Variants in DACH1 observed in about 807,000 individuals in gnomAD.
DACH1 encodes dachshund family transcription factor 1.
A neutral mutation model predicts 54.2 loss-of-function variants in DACH1; 12 were observed. That is an observed-to-expected ratio of 0.22 (90% CI 0.14 to 0.36). The LOEUF is 0.36. DACH1 is among the 10% of genes least tolerant of loss of function. The pLI, the probability that DACH1 is intolerant of heterozygous loss-of-function variation, is 1.00. For synonymous variants in DACH1, 386 were observed against 366.2 expected (o/e 1.05, Z -0.62); for missense variants, 805 against 929.8 (o/e 0.87, Z 1.75).
intron 1 of DACH1, among the ~76,000 whole-genome samples, chr13:71,802,099 G>A (rs1887311264): frequency 6.6e-6 from 1 of 152,058 alleles, no homozygotes; most frequent in Admixed American, 6.6e-5. Flanking sequence ...GTCAGGGCTA[G>A]ATCCTCAGTA....
At chr13:71,634,323 C>G (rs1402296527) in intron 2 of DACH1, among the ~76,000 whole-genome samples, 1 of 152,062 alleles carries the variant, frequency 6.6e-6, no homozygotes, top group South Asian at 2.1e-4. Flanking sequence ...AGGATCCAGT[C>G]CAGTGCTTCT....
chr13:71,547,291 T>A (rs568683985), intron 6 of DACH1, among the ~76,000 whole-genome samples: 5 of 152,124 alleles, frequency 3.3e-5, no homozygotes, highest in Non-Finnish European at 7.4e-5. Context: ...TGGTGCATGC[T>A]TTTGAGAGGC....
chr13:71,789,474 A>G (rs1421801587), intron 1 of DACH1, among the ~76,000 whole-genome samples: 1 of 152,172 alleles, frequency 6.6e-6, no homozygotes, highest in Non-Finnish European at 1.5e-5. Flanking sequence ...TGAGTTTATC[A>G]TATGTGCATA....
Position 71,555,816 on chromosome 13 carries a change from C to G in DACH1, c.1570+1208G>C, listed in dbSNP as rs555234913. On this transcript the variant is annotated intron_variant, in intron 6 of 10. Transcript: ENST00000613252. ...AGAGACCATCTGACCTAGTCGTGCA[C>G]TGCATTCGAATGCCTAATATAAATA... Among the ~76,000 whole-genome samples the G allele has an allele frequency of 1.2e-3, 188 of 152,228 alleles. 1 individual carries two copies. The highest frequency in any genetic ancestry group is 1.4e-3 in the Admixed American group (22 of 15,280).
In DACH1 at chr13:71,440,683, A is replaced by G. The variant is rs748762639; in HGVS notation, c.2093T>C (p.Leu698Pro). The G allele has an allele frequency of 6.2e-7, 1 of 1,604,714 alleles. No individual in the cohort carries two copies. The highest frequency in any genetic ancestry group is 1.1e-5 in the South Asian group (1 of 89,346). The change falls in exon 11 of 11, where the codon CTG (leucine) becomes CCG (proline). Residue 698 changes from leucine to proline, a missense_variant. Physicochemically the swap from Leu to Pro is moderately conservative, Grantham distance 98 (BLOSUM62 -3). This residue lies in a region of DACH1 where 472 missense variants were observed against 545.3 expected (regional missense o/e 0.87). Coordinates refer to ENST00000613252, the MANE Select transcript of DACH1 (RefSeq NM_080759.6). ...GTACATGACAGTAGTTTTCAAATAC[A>G]GTCTTCCATCTAGAAATGAACAGTG... ...DAERTIQDGR[L>P]YLKTTVMY
intron 1 of DACH1, among the ~76,000 whole-genome samples, chr13:71,740,067 G>A (rs1884314711): frequency 1.3e-5 from 2 of 152,094 alleles, no homozygotes; most frequent in African/African-American, 4.8e-5. Context: ...CAAATAAAAG[G>A]TCAAGAACTT....
chr13:71,461,334 C>T (rs1448260718), intron 10 of DACH1, among the ~76,000 whole-genome samples: 1 of 151,960 alleles, frequency 6.6e-6, no homozygotes, highest in Non-Finnish European at 1.5e-5. Flanking sequence ...CGCATTCATT[C>T]AAAAGAGCTT....
intron 1 of DACH1, among the ~76,000 whole-genome samples, chr13:71,726,442 C>G (rs1012050882): frequency 1.3e-5 from 2 of 152,000 alleles, no homozygotes; most frequent in African/African-American, 4.8e-5. Context: ...TCTAAACATC[C>G]AAATCACATG....
chr13:71,709,704 T>C (rs1882619535), intron 1 of DACH1, among the ~76,000 whole-genome samples: 2 of 152,226 alleles, frequency 1.3e-5, no homozygotes, highest in African/African-American at 4.8e-5. Flanking sequence ...TTAAATTTTA[T>C]TATAAGTATG....
At chr13:71,802,256 G>A (rs1160075601) in intron 1 of DACH1, among the ~76,000 whole-genome samples, 1 of 151,570 alleles carries the variant, frequency 6.6e-6, no homozygotes, top group Non-Finnish European at 1.5e-5. Flanking sequence ...TTCCAGGATC[G>A]ATTTAAATTT....
At chr13:71,550,154 A>G (rs933109314) in intron 6 of DACH1, among the ~76,000 whole-genome samples, 13 of 152,154 alleles carry the variant, frequency 8.5e-5, no homozygotes, top group Non-Finnish European at 1.9e-4. Context: ...TCTAATTCAG[A>G]GGTTTAAAGC....
At chr13:71,757,836 G>T (rs1217572805) in intron 1 of DACH1, among the ~76,000 whole-genome samples, 3 of 152,118 alleles carry the variant, frequency 2.0e-5, no homozygotes, top group Middle Eastern at 3.4e-3. Context: ...AAGGTACTTT[G>T]AAAGTAGCAA....
At chr13:71,570,905 A>T (rs1459840993) in intron 4 of DACH1, among the ~76,000 whole-genome samples, 1 of 152,180 alleles carries the variant, frequency 6.6e-6, no homozygotes, top group Non-Finnish European at 1.5e-5. Context: ...ATTCTAATTA[A>T]CAAGTAGCAC....
intron 6 of DACH1, among the ~76,000 whole-genome samples, chr13:71,494,886 G>A (rs1408927385): frequency 6.6e-6 from 1 of 151,904 alleles, no homozygotes; most frequent in East Asian, 1.9e-4. Flanking sequence ...GTAAGACAAA[G>A]TATTTTTCTC....
At chr13:71,713,414 C>T (rs1181027163) in intron 1 of DACH1, among the ~76,000 whole-genome samples, 2 of 152,090 alleles carry the variant, frequency 1.3e-5, no homozygotes, top group African/African-American at 4.8e-5. Flanking sequence ...TATTATTGTT[C>T]TCTTATAATT....
intron 1 of DACH1, among the ~76,000 whole-genome samples, chr13:71,800,685 A>C (rs1887257063): frequency 6.6e-6 from 1 of 152,102 alleles, no homozygotes; most frequent in Non-Finnish European, 1.5e-5. Context: ...GAGACCTCTG[A>C]AAAATATTAA....
chr13:71,697,085 T>C (rs537160337), intron 1 of DACH1, among the ~76,000 whole-genome samples: 107 of 152,328 alleles, frequency 7.0e-4, no homozygotes, highest in Middle Eastern at 3.4e-3. Context: ...TTATCTTCAG[T>C]GTTGTTCAGA....
At position 71,848,695 on chromosome 13, in the gene DACH1, T is replaced by A. The variant is rs576363871; in HGVS notation, c.848+17227A>T. Among the ~76,000 whole-genome samples, 215 of 151,868 alleles carry A rather than the reference T, an allele frequency of 1.4e-3. 3 individuals carry two copies. The highest frequency in any genetic ancestry group is 8.2e-3 in the Admixed American group (125 of 15,242). ...AAGTAGCCTGGCTAATTAAAAAAAA[T>A]TTTTTTGTACAGATGGGGGGGTTCT... On this transcript the variant is annotated intron_variant, in intron 1 of 10. Coordinates refer to ENST00000613252, the MANE Select transcript of DACH1 (RefSeq NM_080759.6).
intron 1 of DACH1, among the ~76,000 whole-genome samples, chr13:71,735,446 T>G (rs113235618): frequency 7.7e-5 from 2 of 26,074 alleles, no homozygotes; most frequent in African/African-American, 1.5e-4. Context: ...CGGATATACG[T>G]GTATATGGGA....
Sources: gnomAD v4.1 joint callset for allele counts (sites outside exome capture counted in the v4.1 genomes callset) on GRCh38, gnomAD v4.1.1 for gene constraint, gnomAD v4.1.1 regional missense constraint, MANE v1.5 for transcripts, NCBI Gene and HGNC (gene_info 2026-07-23, HGNC 2026-07-21) for gene names.